INPP4B: variants seen among roughly 807,000 people sequenced by gnomAD.
The protein encoded by INPP4B is inositol polyphosphate 4-phosphatase type II.
INPP4B carries 55 observed loss-of-function variants against 122.5 expected under a neutral mutation model. That is an observed-to-expected ratio of 0.45 (90% CI 0.36 to 0.56). The LOEUF is 0.56. Ranked by LOEUF, INPP4B falls within the 20% of genes least tolerant of loss-of-function variation. The pLI is 0.00. For synonymous variants in INPP4B, 403 were observed against 388.7 expected, an observed-to-expected ratio of 1.04 and a Z score of -0.43; for missense variants, 1,000 against 1,097.7, an observed-to-expected ratio of 0.91 and a Z score of 1.26.
At chr4:142,477,585 C>T (rs1247409343) in intron 2 of INPP4B, among the ~76,000 whole-genome samples, 1 of 151,774 alleles carries the variant, frequency 6.6e-6, no homozygotes, top group African/African-American at 2.4e-5. Flanking sequence ...TAAGAAACAA[C>T]AAAGGAGACA....
intron 11 of INPP4B, among the ~76,000 whole-genome samples, chr4:142,252,790 C>T (rs960619514): frequency 2.0e-5 from 3 of 152,150 alleles, no homozygotes; most frequent in African/African-American, 4.8e-5. Flanking sequence ...TCAAACTAAA[C>T]AAGAGCTTCA....
intron 2 of INPP4B, among the ~76,000 whole-genome samples, chr4:142,624,418 T>G (rs1024092076): frequency 6.6e-6 from 1 of 151,930 alleles, no homozygotes; most frequent in East Asian, 1.9e-4. Context: ...TGGGGTTGTT[T>G]GTTTTTTTCT....
At chr4:142,241,229 C>T (rs754847797) in intron 11 of INPP4B, among the ~76,000 whole-genome samples, 1 of 146,898 alleles carries the variant, frequency 6.8e-6, no homozygotes, top group Non-Finnish European at 1.5e-5. Context: ...TTCTCATCTT[C>T]ATTTTTTTTT....
chr4:142,563,302 A>T (rs1168861670), intron 2 of INPP4B, among the ~76,000 whole-genome samples: 1 of 152,210 alleles, frequency 6.6e-6, no homozygotes, highest in Admixed American at 6.5e-5. Context: ...CTTCATTTTA[A>T]GATGTAACTA....
At chr4:142,588,111 C>A (rs1736633450) in intron 2 of INPP4B, among the ~76,000 whole-genome samples, 1 of 151,790 alleles carries the variant, frequency 6.6e-6, no homozygotes, top group African/African-American at 2.4e-5. Context: ...TAAAATTCAA[C>A]ATGTATTCAA....
At chr4:142,548,377 C>CA (rs1482191189) in intron 2 of INPP4B, among the ~76,000 whole-genome samples, 1 of 151,826 alleles carries the variant, frequency 6.6e-6, no homozygotes, top group East Asian at 1.9e-4. Context: ...AACAGAGACA[C>CA]AAAAAAGGTC....
At chr4:142,845,172 T>G (rs1406246572) in intron 1 of INPP4B, among the ~76,000 whole-genome samples, 1 of 152,080 alleles carries the variant, frequency 6.6e-6, no homozygotes, top group Non-Finnish European at 1.5e-5. Context: ...AACAACCTAA[T>G]CAATATGTGC....
At chr4:142,759,934 C>T (rs1313472211) in intron 1 of INPP4B, among the ~76,000 whole-genome samples, 4 of 151,216 alleles carry the variant, frequency 2.6e-5, no homozygotes, top group African/African-American at 4.9e-5. Flanking sequence ...ATTGATTCAG[C>T]TCTCCAAGGG....
At chr4:142,423,840 G>A (rs1382052242) in intron 5 of INPP4B, 2 of 437,310 alleles carry the variant, frequency 4.6e-6, no homozygotes, top group South Asian at 1.7e-5. Flanking sequence ...AAACCTTTAT[G>A]TATTTTTTAT....
rs187808199 is a variant in INPP4B at position 142,463,114 on chromosome 4, C to T, written c.-190-388G>A. ...CTGCCCATCACAAAGAAAGGTGACT[C>T]TTCAAGTCTAGCCTTCAGCTAGCTT... is the stretch of plus-strand genomic sequence containing the variant. On this transcript the variant is annotated intron_variant, in intron 2 of 25. Coordinates refer to ENST00000262992, the MANE Select transcript of INPP4B (RefSeq NM_001101669.3). Among the ~76,000 whole-genome samples the T allele has an allele frequency of 4.6e-4, 70 of 152,326 alleles. 1 individual carries two copies. Among genetic ancestry groups the T allele is most frequent in the Middle Eastern group, 6.8e-3 (2 of 294 alleles).
At chr4:142,269,893 T>C (rs1048741560) in intron 10 of INPP4B, among the ~76,000 whole-genome samples, 1 of 152,198 alleles carries the variant, frequency 6.6e-6, no homozygotes, top group Non-Finnish European at 1.5e-5. Flanking sequence ...GTAGAAATTA[T>C]AGTGTATAAA....
At chr4:142,116,433 G>C (rs1474698258) in intron 21 of INPP4B, among the ~76,000 whole-genome samples, 1 of 152,184 alleles carries the variant, frequency 6.6e-6, no homozygotes, top group African/African-American at 2.4e-5. Flanking sequence ...CTTGGCAAAT[G>C]TAAAAGAACA....
intron 7 of INPP4B, among the ~76,000 whole-genome samples, chr4:142,351,565 G>T (rs1781939162): frequency 6.6e-6 from 1 of 151,942 alleles, no homozygotes; most frequent in Non-Finnish European, 1.5e-5. Flanking sequence ...AGAAAAACCT[G>T]GGACTTGGAC....
At chr4:142,305,393 C>A in intron 9 of INPP4B, 65 bp downstream of exon 9, 1 of 1,224,908 alleles carries the variant, frequency 8.2e-7, no homozygotes. Flanking sequence ...TTCAAACACA[C>A]TGGCCATCAA....
intron 1 of INPP4B, among the ~76,000 whole-genome samples, chr4:142,834,860 A>G (rs1782595013): frequency 6.6e-6 from 1 of 152,202 alleles, no homozygotes; most frequent in Admixed American, 6.5e-5. Context: ...CATCACTGCT[A>G]GGGCATTGTT....
chr4:142,347,943 G>T (rs1054477710), intron 7 of INPP4B, among the ~76,000 whole-genome samples: 1 of 151,940 alleles, frequency 6.6e-6, no homozygotes, highest in Non-Finnish European at 1.5e-5. Context: ...AGGAAGCAAT[G>T]AACTATAATT....
intron 25 of INPP4B, among the ~76,000 whole-genome samples, chr4:142,036,890 A>C (rs1268518844): frequency 6.6e-6 from 1 of 152,186 alleles, no homozygotes; most frequent in African/African-American, 2.4e-5. Flanking sequence ...TCCTACTAAG[A>C]ATAGTACAAA....
intron 18 of INPP4B, among the ~76,000 whole-genome samples, chr4:142,137,986 C>T (rs1579043675): frequency 6.6e-6 from 1 of 152,078 alleles, no homozygotes; most frequent in Admixed American, 6.5e-5. Context: ...GGCGATTCCT[C>T]AGGGATCTAG....
At chr4:142,798,528 T>C (rs1580942107) in intron 1 of INPP4B, among the ~76,000 whole-genome samples, 1 of 151,800 alleles carries the variant, frequency 6.6e-6, no homozygotes. Flanking sequence ...AGAGGAGAGG[T>C]GCTAATACCC....
Sources: allele counts gnomAD v4.1 joint callset (sites outside exome capture counted in the v4.1 genomes callset), GRCh38; gene constraint gnomAD v4.1.1; transcripts MANE v1.5; gene names NCBI Gene and HGNC (gene_info 2026-07-23, HGNC 2026-07-21).